Variants in RBBP4 observed in about 807,000 individuals in gnomAD.
The protein encoded by RBBP4 is RB binding protein 4, chromatin remodeling factor, also known as histone-binding protein RBBP4.
A neutral mutation model predicts 57.2 loss-of-function variants in RBBP4; 3 were observed. The observed-to-expected ratio is 0.05, with a 90% CI of 0.02 to 0.14. The LOEUF (loss-of-function observed/expected upper bound fraction) is 0.14, where lower values mean the gene tolerates loss of function less well. Ranked by LOEUF, RBBP4 falls within the 10% of genes least tolerant of loss-of-function variation. The probability of loss-of-function intolerance (pLI) is 1.00; values close to 1 mark genes in which losing one functional copy is unlikely to be tolerated. For missense variants in RBBP4, 107 were observed against 520.6 expected, an observed-to-expected ratio of 0.21 and a Z score of 7.73; for synonymous variants, 151 against 171.5, an observed-to-expected ratio of 0.88 and a Z score of 0.93.
Position 32,651,250 on chromosome 1 carries a change from C to T in RBBP4, c.-57C>T, listed in dbSNP as rs371051956. On this transcript the variant is annotated 5_prime_UTR_variant, in exon 1 of 12. Coordinates refer to ENST00000373493, the MANE Select transcript of RBBP4 (RefSeq NM_005610.3). ...CGCGCACAGAGCGAGCTCTTGCAGC[C>T]TCCCCGCCCCTCCCGCAACGCTCGA... 3.4e-5 allele frequency: 51 copies of T among 1,504,156 alleles called. No individual in the cohort carries two copies. The highest frequency in any genetic ancestry group is 8.7e-5 in the African/African-American group (6 of 68,694). The allele number at this position is 1,504,156 out of a possible 1,614,324, so 93.2% of individuals were successfully genotyped here.
rs765480903 is a variant in RBBP4, at chr1:32,670,525, A to G, written c.966+962A>G. On this transcript the variant is annotated intron_variant, in intron 8 of 11. Coordinates refer to ENST00000373493, the MANE Select transcript of RBBP4 (RefSeq NM_005610.3). ...TGTTGCTACGGCACTATGAAAGATTACGTTATGTAGCCTTTGCTATCAAGG... is the reference window on the plus strand; with the variant it reads ...TGTTGCTACGGCACTATGAAAGATTGCGTTATGTAGCCTTTGCTATCAAGG... 1.5e-3 allele frequency among the ~76,000 whole-genome samples: 230 copies of G among 152,166 alleles called. 4 individuals carry two copies. The highest frequency in any genetic ancestry group is 7.1e-4 in the Non-Finnish European group (48 of 68,038).
intron 11 of RBBP4, 147 bp from the exon 12 acceptor site, chr1:32,679,493 C>A: frequency 1.7e-6 from 1 of 588,222 alleles, no homozygotes; most frequent in Non-Finnish European, 2.8e-6. Context: ...ATACTTTCAT[C>A]CAAGAGTTGA....
rs373952543 is a variant in RBBP4 at position 32,668,757 on chromosome 1, A to C, written c.503A>C (p.Asn168Thr). The change falls in exon 5 of 12, where the codon AAC (asparagine) becomes ACC (threonine). Residue 168 changes from asparagine (N) to threonine (T), a missense_variant. Asn to Thr is a moderately conservative substitution (Grantham distance 65). This residue lies in a region of RBBP4 where 92 missense variants were observed against 408.5 expected (regional missense o/e 0.23). Transcript: ENST00000373493. ...TTTGCAGATCCTTCTGGAGAGTGCA[A>C]CCCAGACTTGCGTCTCCGTGGACAT... The part of the protein sequence containing the change: ...PSKPDPSGEC[N>T]PDLRLRGHQK... 3.1e-5 allele frequency: 50 copies of C among 1,612,770 alleles called. No individual in the cohort carries two copies. Among genetic ancestry groups the C allele is most frequent in the Non-Finnish European group, 4.2e-5 (50 of 1,179,982 alleles).
intron 2 of RBBP4, among the ~76,000 whole-genome samples, chr1:32,654,590 A>T (rs1329859975): frequency 5.3e-5 from 8 of 152,250 alleles, no homozygotes; most frequent in Non-Finnish European, 1.2e-4. Context: ...GAAAGCAAGA[A>T]TTAAAGACTT....
rs911166029 is a variant in RBBP4, at chr1:32,669,185, A to G, written c.762-46A>G. The G allele has an allele frequency of 1.9e-6, 3 of 1,611,172 alleles. No homozygotes were observed. The highest frequency in any genetic ancestry group is 1.7e-6 in the Non-Finnish European group (2 of 1,179,120). On this transcript the variant is annotated intron_variant, in intron 6 of 11. Transcript: ENST00000373493. This position sits in a 1 kb window ranked among gnomAD's most constrained non-coding sequence, Gnocchi z 4.9. Reference sequence around the variant, plus strand: ...AATATCTTGTCTAAGTTTTATGTTTAGTCACCATTTCAAGGTTTTTTTCCT... The same window carrying G: ...AATATCTTGTCTAAGTTTTATGTTTGGTCACCATTTCAAGGTTTTTTTCCT...
Position 32,679,746 on chromosome 1 carries a change from C to A in RBBP4, c.*41C>A, listed in dbSNP as rs747824309. On this transcript the variant is annotated 3_prime_UTR_variant, in exon 12 of 12. Transcript: ENST00000373493. ...TTGTGATTTTAGACTCCCCTTTTTT[C>A]TTCTCAACCCTGAGAGTGATTTAAC... 8 of 1,609,718 alleles carry A rather than the reference C, an allele frequency of 5.0e-6. No homozygotes were observed. In the African/African-American group the frequency reaches 1.1e-4, roughly 22 times the overall value.
intron 11 of RBBP4, among the ~76,000 whole-genome samples, chr1:32,673,133 C>T (rs1648944066): frequency 6.6e-6 from 1 of 152,130 alleles, no homozygotes; most frequent in Non-Finnish European, 1.5e-5. Context: ...TCCCACTTCT[C>T]CTTTTCCCTC....
intron 3 of RBBP4, among the ~76,000 whole-genome samples, chr1:32,659,739 A>G (rs1207508229): frequency 6.6e-6 from 1 of 152,186 alleles, no homozygotes; most frequent in East Asian, 1.9e-4. Context: ...ATTTGCTTTT[A>G]TGGCCTAATA....
chr1:32,664,761 G>C (rs1449772901), intron 3 of RBBP4, among the ~76,000 whole-genome samples: 1 of 152,012 alleles, frequency 6.6e-6, no homozygotes, highest in Non-Finnish European at 1.5e-5. Context: ...ACTTTTTTGG[G>C]GGTGGTGGTC....
rs914190847 is a variant in RBBP4 at position 32,680,326 on chromosome 1, C to G, written c.*621C>G. On this transcript the variant is annotated 3_prime_UTR_variant, in exon 12 of 12. Coordinates refer to ENST00000373493, the MANE Select transcript of RBBP4 (RefSeq NM_005610.3). ...TGTTTTCATGTTGTTTATTTCCTGT[C>G]TGTGAAATGGTGTTTTTTTTTTTGT... The G allele has an allele frequency of 2.1e-4, 269 of 1,287,266 alleles. 1 individual carries two copies. Among genetic ancestry groups the G allele is most frequent in the Non-Finnish European group, 2.6e-4 (266 of 1,020,288 alleles). The allele number at this position is 1,287,266 out of a possible 1,614,324, so 79.7% of individuals were successfully genotyped here.
At chr1:32,656,681 A>G (rs773332227) in intron 2 of RBBP4, among the ~76,000 whole-genome samples, 1 of 117,894 alleles carries the variant, frequency 8.5e-6, no homozygotes, top group African/African-American at 2.7e-5. Context: ...GTCAGGAATC[A>G]TGTCTTAATT....
At chr1:32,653,056 A>G (rs2148514537) in intron 2 of RBBP4, among the ~76,000 whole-genome samples, 1 of 152,332 alleles carries the variant, frequency 6.6e-6, no homozygotes, top group Non-Finnish European at 1.5e-5. Context: ...CTAAAAGATT[A>G]ATCCTATGTT....
intron 11 of RBBP4, among the ~76,000 whole-genome samples, chr1:32,675,862 C>CGGA (rs1649081915): frequency 6.6e-6 from 1 of 151,944 alleles, no homozygotes; most frequent in Middle Eastern, 3.2e-3. Context: ...AGGCCAAAGC[C>CGGA]GGAGGATCAC....
chr1:32,658,707 T>A (rs1450232314), intron 3 of RBBP4, among the ~76,000 whole-genome samples: 1 of 151,832 alleles, frequency 6.6e-6, no homozygotes, highest in South Asian at 2.1e-4. Flanking sequence ...CCACCACGCC[T>A]GGCTAATTTT....
At chr1:32,662,664 A>G (rs1648475250) in intron 3 of RBBP4, among the ~76,000 whole-genome samples, 1 of 151,618 alleles carries the variant, frequency 6.6e-6, no homozygotes, top group Non-Finnish European at 1.5e-5. Context: ...GTGAGCCACC[A>G]TGCCCAGCCT....
intron 11 of RBBP4, chr1:32,673,506 C>T (rs929346310): frequency 3.6e-5 from 15 of 419,014 alleles, no homozygotes; most frequent in African/African-American, 2.8e-4. Flanking sequence ...GGTGCAATCT[C>T]GGCTCACTGC....
intron 2 of RBBP4, among the ~76,000 whole-genome samples, chr1:32,656,708 C>T (rs926659962): frequency 2.0e-5 from 3 of 152,032 alleles, no homozygotes; most frequent in African/African-American, 4.8e-5. Flanking sequence ...GTACTTCCAT[C>T]GCGTTTGGAG....
chr1:32,668,198 C>A (rs757132099), intron 3 of RBBP4, 27 bp from the exon 4 acceptor site: 2 of 1,596,436 alleles, frequency 1.3e-6, no homozygotes, highest in Admixed American at 3.4e-5. Context: ...CTTGTTTTGT[C>A]CTCATTTGCA....
intron 3 of RBBP4, among the ~76,000 whole-genome samples, chr1:32,667,108 C>T (rs970681496): frequency 4.6e-5 from 7 of 152,212 alleles, no homozygotes; most frequent in African/African-American, 1.4e-4. Flanking sequence ...GCTCCACCAA[C>T]CAGCTTCTTG....
Sources: gnomAD v4.1 joint callset for allele counts (sites outside exome capture counted in the v4.1 genomes callset) on GRCh38, gnomAD v4.1.1 for gene constraint, gnomAD v4.1.1 regional missense constraint, Gnocchi (gnomAD v3.1) non-coding constraint, MANE v1.5 for transcripts, NCBI Gene and HGNC (gene_info 2026-07-23, HGNC 2026-07-21) for gene names.